DCAF6: variants seen among roughly 807,000 people sequenced by gnomAD.
DCAF6 encodes the protein DDB1- and CUL4-associated factor 6.
A neutral mutation model predicts 125.1 loss-of-function variants in DCAF6; 54 were observed. The observed-to-expected ratio is 0.43, with a 90% confidence interval of 0.35 to 0.54. The LOEUF (loss-of-function observed/expected upper bound fraction) is 0.54, where lower values mean the gene tolerates loss of function less well. Ranked by LOEUF, DCAF6 falls within the 20% of genes least tolerant of loss-of-function variation. The pLI is 0.01. For missense variants in DCAF6, 934 were observed against 1,161.7 expected (o/e 0.80, Z 2.85); for synonymous variants, 371 against 390.4 (o/e 0.95, Z 0.58).
intron 12 of DCAF6, among the ~76,000 whole-genome samples, chr1:168,030,386 G>A (rs961981449): frequency 3.9e-5 from 6 of 152,214 alleles, no homozygotes; most frequent in African/African-American, 1.4e-4. Flanking sequence ...TCAGTATGCA[G>A]GACAAAGTGA....
At chr1:168,062,975 G>A (rs560735089) in intron 17 of DCAF6, among the ~76,000 whole-genome samples, 16 of 149,834 alleles carry the variant, frequency 1.1e-4, no homozygotes, top group East Asian at 7.9e-4. Flanking sequence ...GCAGTGGCGC[G>A]ATCTCGGCTC....
intron 10 of DCAF6, among the ~76,000 whole-genome samples, chr1:168,011,213 T>A (rs1465162824): frequency 1.3e-5 from 2 of 151,326 alleles, no homozygotes; most frequent in South Asian, 2.1e-4. Flanking sequence ...GCCCCCGGGT[T>A]CAAGTGATTC....
intron 21 of DCAF6, among the ~76,000 whole-genome samples, chr1:168,074,190 T>C (rs945005408): frequency 1.3e-5 from 2 of 151,998 alleles, no homozygotes; most frequent in African/African-American, 4.8e-5. Flanking sequence ...GGACATATAG[T>C]CCCTTCAGTG....
the DCAF6 span, among the ~76,000 whole-genome samples, chr1:167,891,439 G>A: frequency 2.6e-5 from 4 of 151,652 alleles, no homozygotes; most frequent in Non-Finnish European, 2.9e-5. Flanking sequence ...GGAAGATCAC[G>A]AGGTCAGGAG....
At chr1:168,073,031 C>T (rs1333335420) in intron 21 of DCAF6, among the ~76,000 whole-genome samples, 4 of 152,136 alleles carry the variant, frequency 2.6e-5, no homozygotes, top group Non-Finnish European at 5.9e-5. Flanking sequence ...AAAAAATCAG[C>T]CGGGTGTGGT....
intron 12 of DCAF6, among the ~76,000 whole-genome samples, chr1:168,034,695 G>A (rs914438842): frequency 6.6e-6 from 1 of 152,120 alleles, no homozygotes; most frequent in Non-Finnish European, 1.5e-5. Context: ...ATAAATTATA[G>A]TTATTAATAT....
chr1:167,943,038 C>G (rs1672488918), intron 1 of DCAF6, among the ~76,000 whole-genome samples: 2 of 152,068 alleles, frequency 1.3e-5, no homozygotes, highest in African/African-American at 4.8e-5. Context: ...TCCCGAGTAG[C>G]TGGGACTACA....
intron 1 of DCAF6, among the ~76,000 whole-genome samples, chr1:167,942,846 T>G (rs915136392): frequency 6.6e-6 from 1 of 152,124 alleles, no homozygotes; most frequent in Non-Finnish European, 1.5e-5. Context: ...CCTAGCCACA[T>G]TCCATTGATC....
chr1:167,869,137 C>T, the DCAF6 span, among the ~76,000 whole-genome samples: 2 of 152,140 alleles, frequency 1.3e-5, no homozygotes, highest in Non-Finnish European at 2.9e-5. Context: ...GAGTGTAGCA[C>T]GGATTCGACC....
chr1:167,993,899 C>T (rs561301543), intron 7 of DCAF6, among the ~76,000 whole-genome samples: 1 of 151,862 alleles, frequency 6.6e-6, no homozygotes, highest in African/African-American at 2.4e-5. Flanking sequence ...AAACATGAGA[C>T]ATACTTGAAA....
intron 7 of DCAF6, among the ~76,000 whole-genome samples, chr1:167,999,819 C>G (rs1418118309): frequency 6.6e-6 from 1 of 152,120 alleles, no homozygotes; most frequent in Non-Finnish European, 1.5e-5. Flanking sequence ...CAGACTGTTT[C>G]CATATCAGTA....
At chr1:167,924,257 G>T in the DCAF6 span, among the ~76,000 whole-genome samples, 3 of 152,052 alleles carry the variant, frequency 2.0e-5, no homozygotes, top group Non-Finnish European at 2.9e-5. Flanking sequence ...GTGCACAATT[G>T]TAAGTTTTTT....
chr1:167,936,285 T>C (rs75094526), upstream of DCAF6: 16,392 of 204,314 alleles, frequency 0.08, 786 homozygotes, highest in Middle Eastern at 0.1. Context: ...AAAGTGAAGC[T>C]GCGCTGGTTC....
chr1:167,967,242 A>G (rs1676556623), intron 3 of DCAF6, among the ~76,000 whole-genome samples: 1 of 152,340 alleles, frequency 6.6e-6, no homozygotes, highest in East Asian at 1.9e-4. Flanking sequence ...TGCGGTGTGA[A>G]TAGTTCTTGA....
chr1:167,976,672 T>G (rs953832898), intron 4 of DCAF6, among the ~76,000 whole-genome samples: 1 of 152,122 alleles, frequency 6.6e-6, no homozygotes, highest in African/African-American at 2.4e-5. Flanking sequence ...TAAAGGAACT[T>G]GGAACATACC....
the DCAF6 span, among the ~76,000 whole-genome samples, chr1:167,883,861 TA>T: frequency 1.3e-5 from 2 of 152,180 alleles, no homozygotes; most frequent in Non-Finnish European, 2.9e-5. Flanking sequence ...ACCACTCCAT[TA>T]CCCCAACTGC....
chr1:167,901,233 T>C, the DCAF6 span, among the ~76,000 whole-genome samples: 1 of 152,200 alleles, frequency 6.6e-6, no homozygotes, highest in African/African-American at 2.4e-5. Context: ...GTTAAGCTTT[T>C]CCTACACCTC....
chr1:167,957,672 G>A (rs1463127891), intron 2 of DCAF6, among the ~76,000 whole-genome samples: 1 of 152,064 alleles, frequency 6.6e-6, no homozygotes, highest in Non-Finnish European at 1.5e-5. Flanking sequence ...AGGTCATATG[G>A]TAAACTGATA....
At chr1:167,889,114 G>A in the DCAF6 span, among the ~76,000 whole-genome samples, 1 of 152,080 alleles carries the variant, frequency 6.6e-6, no homozygotes, top group Non-Finnish European at 1.5e-5. Context: ...CCAGTATTAT[G>A]TTGAAAAACA....
Sources: gnomAD v4.1 joint callset for allele counts (sites outside exome capture counted in the v4.1 genomes callset) on GRCh38, gnomAD v4.1.1 for gene constraint, MANE v1.5 for transcripts, NCBI Gene and HGNC (gene_info 2026-07-23, HGNC 2026-07-21) for gene names.